Variants in TSPAN2 observed in about 807,000 individuals in gnomAD.
TSPAN2 encodes the protein tetraspanin-2.
In TSPAN2, 24 loss-of-function variants were observed where a neutral mutation model predicts 33.3. The ratio of observed to expected loss-of-function variants is 0.72; its 90% CI spans 0.52 to 1.01. The LOEUF is 1.01. Ranked by LOEUF, TSPAN2 falls within the 50% of genes least tolerant of loss-of-function variation. TSPAN2 has a pLI of 0.00. For missense variants in TSPAN2, 278 were observed against 281.3 expected, an observed-to-expected ratio of 0.99 and a Z score of 0.08; for synonymous variants, 114 against 104.5, an observed-to-expected ratio of 1.09 and a Z score of -0.56.
intron 1 of TSPAN2, among the ~76,000 whole-genome samples, chr1:115,080,415 A>G (rs1648580964): frequency 6.6e-6 from 1 of 151,968 alleles, no homozygotes; most frequent in Admixed American, 6.6e-5. Flanking sequence ...TCCCACTACA[A>G]GCATGTGCAA....
intron 1 of TSPAN2, among the ~76,000 whole-genome samples, chr1:115,085,932 G>GA (rs1648816037): frequency 6.6e-6 from 1 of 151,986 alleles, no homozygotes. Flanking sequence ...GAGCAAAACA[G>GA]AAAAAACAAA....
intron 1 of TSPAN2, among the ~76,000 whole-genome samples, chr1:115,077,000 A>G (rs758197345): frequency 1.3e-5 from 2 of 151,198 alleles, no homozygotes; most frequent in Non-Finnish European, 2.9e-5. Context: ...AGCTCACTGC[A>G]GCCTCAACTT....
At chr1:115,085,554 A>T (rs557407554) in intron 1 of TSPAN2, among the ~76,000 whole-genome samples, 1 of 152,226 alleles carries the variant, frequency 6.6e-6, no homozygotes, top group Non-Finnish European at 1.5e-5. Flanking sequence ...GGGCAGGCAC[A>T]TGAGCTTCTA....
At chr1:115,088,683 C>A (rs980082977) in intron 1 of TSPAN2, among the ~76,000 whole-genome samples, 1 of 152,168 alleles carries the variant, frequency 6.6e-6, no homozygotes, top group Non-Finnish European at 1.5e-5. Flanking sequence ...GCAGAGGCTG[C>A]GGCTGGGGGT....
In TSPAN2 at chr1:115,077,806, GC is replaced by G. The variant is rs1393711023; in HGVS notation, c.70-4800del. Among the ~76,000 whole-genome samples the G allele has an allele frequency of 2.6e-5, 4 of 152,272 alleles. No homozygotes were observed. In the South Asian group the frequency reaches 6.2e-4, roughly 24 times the overall value. On this transcript the variant is annotated intron_variant, in intron 1 of 7. Transcript: ENST00000369516. ...CACAAATTGCAAACATGGTCCCTAGGCAGGCGCTGCGGTTGGAGTGGGGTGG... is the reference window on the plus strand; with the variant it reads ...CACAAATTGCAAACATGGTCCCTAGGAGGCGCTGCGGTTGGAGTGGGGTGG...
chr1:115,057,691 G>A, intron 5 of TSPAN2, 83 bp from the exon 6 acceptor site: 2 of 1,336,896 alleles, frequency 1.5e-6, no homozygotes. Flanking sequence ...GGACTGGGGT[G>A]CCGAGGCGGC....
intron 1 of TSPAN2, among the ~76,000 whole-genome samples, chr1:115,076,261 G>A (rs1648408059): frequency 6.6e-6 from 1 of 152,184 alleles, no homozygotes; most frequent in South Asian, 2.1e-4. Context: ...CCTCGATGCT[G>A]TGTTTGTTAA....
intron 2 of TSPAN2, among the ~76,000 whole-genome samples, chr1:115,068,184 C>T (rs939321595): frequency 1.3e-5 from 2 of 152,184 alleles, no homozygotes; most frequent in African/African-American, 4.8e-5. Context: ...TCTGACTATC[C>T]TCTCGCCCTG....
At chr1:115,051,913 A>C (rs1570963041) in intron 7 of TSPAN2, among the ~76,000 whole-genome samples, 1 of 152,218 alleles carries the variant, frequency 6.6e-6, no homozygotes, top group South Asian at 2.1e-4. Flanking sequence ...GTGCCGACTC[A>C]AGATAGGCTC....
intron 2 of TSPAN2, 58 bp from the exon 3 acceptor site, chr1:115,062,290 A>G: frequency 7.4e-7 from 1 of 1,359,248 alleles, no homozygotes; most frequent in Non-Finnish European, 1.0e-6. Flanking sequence ...TCCACGACCA[A>G]CTAGGCTTAA....
At chr1:115,070,270 G>T (rs1319170100) in intron 2 of TSPAN2, among the ~76,000 whole-genome samples, 2 of 151,710 alleles carry the variant, frequency 1.3e-5, no homozygotes, top group African/African-American at 4.8e-5. Flanking sequence ...GCTTAAAAAT[G>T]TTTAATAATG....
intron 1 of TSPAN2, among the ~76,000 whole-genome samples, chr1:115,077,014 G>A (rs1474247802): frequency 2.0e-5 from 3 of 150,868 alleles, no homozygotes; most frequent in Admixed American, 6.6e-5. Context: ...TCAACTTCCC[G>A]GGCTCTAGCG....
At chr1:115,076,267 G>T (rs12743495) in intron 1 of TSPAN2, among the ~76,000 whole-genome samples, 18,433 of 152,214 alleles carry the variant, frequency 0.12, 1,238 homozygotes, top group East Asian at 0.21. Flanking sequence ...TGCTGTGTTT[G>T]TTAAGGAGAG....
At chr1:115,058,585 T>G (rs1403914112) in intron 5 of TSPAN2, among the ~76,000 whole-genome samples, 1 of 152,256 alleles carries the variant, frequency 6.6e-6, no homozygotes, top group East Asian at 1.9e-4. Flanking sequence ...TGACAAAGCC[T>G]GCTATTTATC....
rs1675267512 is a variant in TSPAN2 at position 115,049,971 on chromosome 1, ACCCTTACACCC to A, written c.*508_*518del. 1 of 154,760 alleles carries A rather than the reference ACCCTTACACCC, an allele frequency of 6.5e-6. No individual in the cohort carries two copies. The highest frequency in any genetic ancestry group is 2.4e-5 in the African/African-American group (1 of 41,090). 9.6% of individuals were successfully genotyped at this position (154,760 alleles called of 1,614,324 possible). A position where few individuals can be genotyped will look rare whatever the true frequency, so the allele number is the denominator to read the frequency against. On this transcript the variant is annotated 3_prime_UTR_variant, in exon 8 of 8. Coordinates refer to ENST00000369516, the MANE Select transcript of TSPAN2 (RefSeq NM_005725.6). ...GCATGTATATAAAAAAACCCAGGAA[ACCCTTACACCC>A]AACTTAGACACAGTCAGTTTTAACA... is the stretch of plus-strand genomic sequence containing the variant.
At chr1:115,077,152 C>T (rs564823068) in intron 1 of TSPAN2, among the ~76,000 whole-genome samples, 1 of 152,082 alleles carries the variant, frequency 6.6e-6, no homozygotes, top group African/African-American at 2.4e-5. Flanking sequence ...CTCCTGGACT[C>T]AAGTGATCTG....
At chr1:115,058,565 T>A in intron 5 of TSPAN2, 2 of 360,012 alleles carry the variant, frequency 5.6e-6, no homozygotes, top group South Asian at 6.3e-5. Flanking sequence ...TACACCACAA[T>A]GCTACCCTCT....
At chr1:115,072,163 G>A (rs1004629469) in intron 2 of TSPAN2, among the ~76,000 whole-genome samples, 1 of 152,130 alleles carries the variant, frequency 6.6e-6, no homozygotes, top group Non-Finnish European at 1.5e-5. Context: ...TAATCCCAGG[G>A]CAACAATGCT....
rs1675211369 is a variant in TSPAN2, at chr1:115,048,274, ATATC to A, written c.*2212_*2215del. ...TAGATTCAAGATATATAGGGATTAT[ATATC>A]TATATATATTATATGTGTGTCTATA... On this transcript the variant is annotated 3_prime_UTR_variant, in exon 8 of 8. Transcript: ENST00000369516. 1 of 128,602 alleles carries A rather than the reference ATATC, an allele frequency of 7.8e-6. No individual in the cohort carries two copies. Among genetic ancestry groups the A allele is most frequent in the African/African-American group, 2.9e-5 (1 of 34,834 alleles). The allele number at this position is 128,602 out of a possible 1,614,324, so 8.0% of individuals were successfully genotyped here. A position where few individuals can be genotyped will look rare whatever the true frequency, so the allele number is the denominator to read the frequency against.
Sources: gnomAD v4.1 joint callset for allele counts (sites outside exome capture counted in the v4.1 genomes callset) on GRCh38, gnomAD v4.1.1 for gene constraint, MANE v1.5 for transcripts, NCBI Gene and HGNC (gene_info 2026-07-23, HGNC 2026-07-21) for gene names.